PCDH15: variants seen among roughly 807,000 people sequenced by gnomAD.
The protein encoded by PCDH15 is protocadherin related 15, also known as protocadherin-15.
In PCDH15, 129 loss-of-function variants were observed where a neutral mutation model predicts 178.5. That is an observed-to-expected ratio of 0.72 (90% confidence interval 0.63 to 0.84). The LOEUF (loss-of-function observed/expected upper bound fraction) is 0.84, where lower values mean the gene tolerates loss of function less well. Among genes scored for constraint, PCDH15 ranks in the 40% least tolerant of loss-of-function variants. PCDH15 has a pLI of 0.00. For synonymous variants in PCDH15, 800 were observed against 732.0 expected (o/e 1.09, Z -1.50); for missense variants, 2,230 against 2,099.9 (o/e 1.06, Z -1.21).
intron 26 of PCDH15, among the ~76,000 whole-genome samples, chr10:53,900,978 G>T (rs1203939242): frequency 6.6e-6 from 1 of 152,088 alleles, no homozygotes; most frequent in Non-Finnish European, 1.5e-5. Flanking sequence ...ATCCACAAGG[G>T]CATTCTAATC....
intron 7 of PCDH15, among the ~76,000 whole-genome samples, chr10:54,320,272 C>T (rs1463259599): frequency 6.6e-6 from 1 of 152,022 alleles, no homozygotes; most frequent in Non-Finnish European, 1.5e-5. Context: ...CCTACATAAA[C>T]ATGATCACAA....
chr10:53,816,351 G>A (rs1163487429), intron 34 of PCDH15, 74 bp from the exon 35 acceptor site: 8 of 397,734 alleles, frequency 2.0e-5, no homozygotes, highest in Non-Finnish European at 3.1e-5. Context: ...TGATTGAGAA[G>A]AGAGGAAAAA....
intron 2 of PCDH15, among the ~76,000 whole-genome samples, chr10:55,162,323 A>G (rs1385985179): frequency 6.6e-6 from 1 of 152,290 alleles, no homozygotes; most frequent in South Asian, 2.1e-4. Context: ...ATGTTTCTTT[A>G]ACTTGAATAA....
At chr10:54,166,038 T>C (rs903093171) in intron 13 of PCDH15, among the ~76,000 whole-genome samples, 4 of 152,190 alleles carry the variant, frequency 2.6e-5, no homozygotes, top group African/African-American at 9.6e-5. Flanking sequence ...ATATTTGACT[T>C]AGTAAAAGAA....
chr10:55,560,746 T>C (rs1842181014), intron 2 of PCDH15, among the ~76,000 whole-genome samples: 1 of 151,880 alleles, frequency 6.6e-6, no homozygotes. Flanking sequence ...TCAAGTCCTG[T>C]GACATATCTG....
chr10:55,189,060 A>T (rs1591976542), intron 1 of PCDH15, among the ~76,000 whole-genome samples: 1 of 152,030 alleles, frequency 6.6e-6, no homozygotes, highest in African/African-American at 2.4e-5. Flanking sequence ...TCATCAAAAA[A>T]TTACCTTTAA....
intron 2 of PCDH15, among the ~76,000 whole-genome samples, chr10:54,911,476 G>A (rs1484319874): frequency 6.6e-6 from 1 of 152,116 alleles, no homozygotes; most frequent in African/African-American, 2.4e-5. Flanking sequence ...TCTATATGAT[G>A]GGTATAAAAT....
intron 26 of PCDH15, among the ~76,000 whole-genome samples, chr10:53,875,125 G>A (rs150692699): frequency 5.3e-5 from 8 of 151,826 alleles, no homozygotes; most frequent in African/African-American, 1.9e-4. Context: ...GAGAGAAAGC[G>A]AGAATAGAAC....
At chr10:55,479,819 T>C (rs185552193) in intron 2 of PCDH15, among the ~76,000 whole-genome samples, 214 of 151,808 alleles carry the variant, frequency 1.4e-3, no homozygotes, top group African/African-American at 4.7e-3. Flanking sequence ...AGTTACAGGA[T>C]ACAAACTCAC....
At position 54,077,690 on chromosome 10, in the gene PCDH15, ATAAGTCAAGTTCTTCAAT is replaced by A. The variant is rs538304480; in HGVS notation, c.2091+1623_2091+1640del. 6.9e-3 allele frequency among the ~76,000 whole-genome samples: 1,052 copies of A among 152,276 alleles called. 8 individuals are homozygous for A. The highest frequency in any genetic ancestry group is 0.024 in the African/African-American group (1,003 of 41,552). ...CCGAGTTACCCTCTAAACTTTCATC[ATAAGTCAAGTTCTTCAAT>A]TACTTCCTCCAGAAACTCTCACTGA... On this transcript the variant is annotated intron_variant, in intron 17 of 37. Transcript: ENST00000644397.
At chr10:53,952,043 T>C (rs1449576376) in intron 23 of PCDH15, among the ~76,000 whole-genome samples, 1 of 152,174 alleles carries the variant, frequency 6.6e-6, no homozygotes, top group African/African-American at 2.4e-5. Context: ...ACCCAGTAGA[T>C]TGGAGACAAC....
chr10:54,923,021 C>A (rs1007608897), intron 2 of PCDH15, among the ~76,000 whole-genome samples: 1 of 88,794 alleles, frequency 1.1e-5, no homozygotes, highest in Non-Finnish European at 3.2e-5. Flanking sequence ...AGACTTCTGC[C>A]TAGACACTCA....
At chr10:54,971,768 A>C (rs1042017672) in intron 2 of PCDH15, among the ~76,000 whole-genome samples, 20 of 152,224 alleles carry the variant, frequency 1.3e-4, no homozygotes, top group African/African-American at 4.8e-4. Context: ...ATTGATGTAT[A>C]ATGTAAAGGC....
intron 25 of PCDH15, among the ~76,000 whole-genome samples, chr10:53,934,881 C>T (rs759071539): frequency 1.0e-3 from 158 of 150,652 alleles, no homozygotes; most frequent in African/African-American, 3.8e-3. Context: ...GTTTCTATTG[C>T]ACAAGAGCAT....
rs74136246 is a variant in PCDH15 at position 54,698,485 on chromosome 10, C to T, written c.-28-34195G>A. On this transcript the variant is annotated intron_variant, in intron 1 of 37. Coordinates refer to ENST00000644397, the MANE Select transcript of PCDH15 (RefSeq NM_001384140.1). ...TGCTGAGCAGAGAAAAAGCTACACA[C>T]TATTTGCTATATCAGCCAGGGGAAA... 6.6e-3 allele frequency among the ~76,000 whole-genome samples: 1,001 copies of T among 152,198 alleles called. 14 individuals are homozygous for T. Among genetic ancestry groups the T allele is most frequent in the African/African-American group, 0.023 (952 of 41,550 alleles).
intron 2 of PCDH15, among the ~76,000 whole-genome samples, chr10:54,615,280 G>C (rs2093098599): frequency 6.6e-6 from 1 of 151,998 alleles, no homozygotes; most frequent in Admixed American, 6.6e-5. Flanking sequence ...AGTATGTTGG[G>C]CATAATTCTT....
intron 26 of PCDH15, among the ~76,000 whole-genome samples, chr10:53,902,744 C>T (rs2082410235): frequency 6.6e-6 from 1 of 152,074 alleles, no homozygotes; most frequent in Non-Finnish European, 1.5e-5. Context: ...AGTAAGCCAA[C>T]ATTCTCTGAG....
At chr10:54,113,460 T>C (rs1237764464) in intron 15 of PCDH15, among the ~76,000 whole-genome samples, 2 of 152,160 alleles carry the variant, frequency 1.3e-5, no homozygotes, top group Non-Finnish European at 2.9e-5. Context: ...AGTGTGAATG[T>C]GCTCTGGGCA....
intron 2 of PCDH15, among the ~76,000 whole-genome samples, chr10:55,357,356 G>A (rs565749910): frequency 6.6e-6 from 1 of 151,878 alleles, no homozygotes; most frequent in South Asian, 2.1e-4. Flanking sequence ...ATTAAATTGT[G>A]TGTTTCCCTG....
Sources: allele counts gnomAD v4.1 joint callset (sites outside exome capture counted in the v4.1 genomes callset), GRCh38; gene constraint gnomAD v4.1.1; transcripts MANE v1.5; gene names NCBI Gene and HGNC (gene_info 2026-07-23, HGNC 2026-07-21).